Variants in ARHGAP32 observed in about 807,000 individuals in gnomAD.
The protein encoded by ARHGAP32 is rho GTPase-activating protein 32.
ARHGAP32 carries 51 observed loss-of-function variants against 186.5 expected under a neutral mutation model. The ratio of observed to expected loss-of-function variants is 0.27; its 90% CI spans 0.22 to 0.35. The LOEUF (loss-of-function observed/expected upper bound fraction) is 0.35, where lower values mean the gene tolerates loss of function less well. Ranked by LOEUF, ARHGAP32 falls within the 10% of genes least tolerant of loss-of-function variation. The pLI, the probability that ARHGAP32 is intolerant of heterozygous loss-of-function variation, is 1.00. For synonymous variants in ARHGAP32, 950 were observed against 964.3 expected (o/e 0.99, Z 0.27); for missense variants, 2,186 against 2,623.5 (o/e 0.83, Z 3.64).
chr11:129,142,930 A>C (rs1357117997), intron 2 of ARHGAP32, among the ~76,000 whole-genome samples: 1 of 151,596 alleles, frequency 6.6e-6, no homozygotes, highest in African/African-American at 2.4e-5. Flanking sequence ...AGGTCACAGA[A>C]GCTTTAGATT....
At chr11:129,150,224 CT>C (rs1365106785) in intron 2 of ARHGAP32, among the ~76,000 whole-genome samples, 3 of 151,622 alleles carry the variant, frequency 2.0e-5, no homozygotes, top group Admixed American at 1.3e-4. Context: ...GAAAAGAAAT[CT>C]AAAGTTTAGA....
intron 1 of ARHGAP32, among the ~76,000 whole-genome samples, chr11:129,182,357 C>T (rs1439606683): frequency 6.6e-6 from 1 of 151,922 alleles, no homozygotes; most frequent in African/African-American, 2.4e-5. Context: ...TTTTCTTAAC[C>T]ATTTTTAGTT....
chr11:129,213,074 CATA>C lies in ARHGAP32; in HGVS notation c.-4-48650_-4-48648del, dbSNP rs1305371106. 3.3e-5 allele frequency among the ~76,000 whole-genome samples: 5 copies of C among 152,078 alleles called. No individual in the cohort carries two copies. The South Asian group carries it at 1.0e-3, about 32-fold the overall frequency. ...CTCCAAACCACAAAAACTTATCTTT[CATA>C]ATATTATATTTCAAATAAAATATAG... On this transcript the variant is annotated intron_variant, in intron 1 of 6. Transcript: ENST00000525234.
chr11:129,254,300 A>G (rs1254390149), intron 1 of ARHGAP32, among the ~76,000 whole-genome samples: 3 of 152,066 alleles, frequency 2.0e-5, no homozygotes, highest in Admixed American at 6.6e-5. Flanking sequence ...GATAGTCCCA[A>G]TTTTAAAGAA....
intron 2 of ARHGAP32, among the ~76,000 whole-genome samples, chr11:129,150,948 A>T (rs1591653028): frequency 6.6e-6 from 1 of 151,964 alleles, no homozygotes; most frequent in South Asian, 2.1e-4. Flanking sequence ...AAAAAAAAAA[A>T]ATTCCACCAA....
intron 6 of ARHGAP32, among the ~76,000 whole-genome samples, chr11:129,092,613 TATAC>T (rs770234401): frequency 8.5e-5 from 13 of 152,120 alleles, no homozygotes; most frequent in Middle Eastern, 3.4e-3. Context: ...TACTTATTTA[TATAC>T]AAGCTAAAAT....
At chr11:129,188,486 G>A (rs1158692499) in intron 1 of ARHGAP32, among the ~76,000 whole-genome samples, 2 of 152,132 alleles carry the variant, frequency 1.3e-5, no homozygotes, top group African/African-American at 4.8e-5. Context: ...GAGCCTAGAA[G>A]ATGTACAATA....
chr11:129,210,469 T>G (rs1944565261), intron 1 of ARHGAP32, among the ~76,000 whole-genome samples: 1 of 152,192 alleles, frequency 6.6e-6, no homozygotes, highest in South Asian at 2.1e-4. Context: ...GTCACACAAT[T>G]TACAAGTGGT....
chr11:129,005,776 G>C (rs1937733503), intron 11 of ARHGAP32, among the ~76,000 whole-genome samples: 1 of 152,048 alleles, frequency 6.6e-6, no homozygotes, highest in African/African-American at 2.4e-5. Flanking sequence ...CTTGTGTTTG[G>C]ATAGCGATAT....
In ARHGAP32 at chr11:129,192,245, A is replaced by G. The variant is rs770010601; in HGVS notation, c.-47T>C. 1.5e-6 allele frequency: 2 copies of G among 1,354,948 alleles called. No homozygotes were observed. The highest frequency in any genetic ancestry group is 2.3e-5 in the East Asian group (1 of 43,676). The allele number at this position is 1,354,948 out of a possible 1,614,324, so 83.9% of individuals were successfully genotyped here. A position where few individuals can be genotyped will look rare whatever the true frequency, so the allele number is the denominator to read the frequency against. On this transcript the variant is annotated 5_prime_UTR_variant, in exon 1 of 23. Transcript: ENST00000682385. ...AAACTAAACCTCCAGGCATGGAATA[A>G]AAAGCACCAACATTCAGGTTGTTCA...
chr11:129,237,340 TAAAC>T (rs200121439), intron 1 of ARHGAP32, among the ~76,000 whole-genome samples: 2,627 of 152,354 alleles, frequency 0.017, 37 homozygotes, highest in South Asian at 0.049. Context: ...ATTCATCAGT[TAAAC>T]AAATATTTAC....
At chr11:129,092,501 T>A (rs1941607931) in intron 6 of ARHGAP32, among the ~76,000 whole-genome samples, 1 of 151,958 alleles carries the variant, frequency 6.6e-6, no homozygotes, top group African/African-American at 2.4e-5. Flanking sequence ...TTTTATGAAA[T>A]ATGACATGAA....
chr11:129,138,566 T>C (rs375463043), intron 2 of ARHGAP32, among the ~76,000 whole-genome samples: 63 of 152,238 alleles, frequency 4.1e-4, no homozygotes, highest in African/African-American at 1.5e-3. Context: ...AATAGCTTGT[T>C]ATCTTGGTCC....
At chr11:129,033,134 G>A (rs997296565) in intron 11 of ARHGAP32, among the ~76,000 whole-genome samples, 2 of 152,218 alleles carry the variant, frequency 1.3e-5, no homozygotes, top group Non-Finnish European at 2.9e-5. Context: ...TTTTACTGGT[G>A]TAGGGGAATT....
chr11:129,031,522 T>C (rs1939113222), intron 11 of ARHGAP32, among the ~76,000 whole-genome samples: 1 of 152,212 alleles, frequency 6.6e-6, no homozygotes, highest in Non-Finnish European at 1.5e-5. Context: ...CTAGTGTCCA[T>C]TTTATGGGGT....
chr11:129,204,571 T>A (rs1486864040), intron 1 of ARHGAP32, among the ~76,000 whole-genome samples: 1 of 152,236 alleles, frequency 6.6e-6, no homozygotes, highest in Admixed American at 6.5e-5. Context: ...CTGGTATCCT[T>A]ACCTGTATAG....
chr11:128,970,702 T>A lies in ARHGAP32; in HGVS notation c.4511A>T (p.Asn1504Ile). 6.2e-7 allele frequency: 1 copy of A among 1,614,076 alleles called. No individual in the cohort carries two copies. Among genetic ancestry groups the A allele is most frequent in the Non-Finnish European group, 8.5e-7 (1 of 1,180,016 alleles). Residue 1504 changes from asparagine to isoleucine, a missense_variant, in exon 23 of 23, where the codon AAC becomes ATC. Asn to Ile is a moderately radical substitution (Grantham distance 149, BLOSUM62 -3). This residue lies in a region of ARHGAP32 where 1,502 missense variants were observed against 1,570.0 expected (regional missense o/e 0.96). Transcript: ENST00000682385. This position sits in a 1 kb window ranked among gnomAD's most constrained non-coding sequence, Gnocchi z 5.8. Reference sequence around the variant, plus strand: ...TGGAGTCATATTGAAATGCAAACAGTTATCTGGACCAAAGGGTTCAGTGGT... The same window carrying A: ...TGGAGTCATATTGAAATGCAAACAGATATCTGGACCAAAGGGTTCAGTGGT... ...DVTTEPFGPD[N>I]CLHFNMTPNC... is the part of the protein sequence containing the mutation.
intron 2 of ARHGAP32, 103 bp from the exon 3 acceptor site, chr11:129,124,997 T>C: frequency 4.5e-6 from 3 of 660,342 alleles, no homozygotes; most frequent in Non-Finnish European, 7.3e-6. Context: ...ACTTTTTACC[T>C]ACAAAATATA....
At chr11:129,048,526 G>A (rs1216716756) in intron 10 of ARHGAP32, among the ~76,000 whole-genome samples, 1 of 151,820 alleles carries the variant, frequency 6.6e-6, no homozygotes, top group African/African-American at 2.4e-5. Flanking sequence ...TGATAAAAGA[G>A]AAGAACCAAA....
Sources: allele counts gnomAD v4.1 joint callset (sites outside exome capture counted in the v4.1 genomes callset), GRCh38; gene constraint gnomAD v4.1.1; regional missense constraint gnomAD v4.1.1; non-coding constraint Gnocchi (gnomAD v3.1); transcripts MANE v1.5; gene names NCBI Gene and HGNC (gene_info 2026-07-23, HGNC 2026-07-21).